Variants in LRRTM4 observed in about 807,000 individuals in gnomAD.
LRRTM4 encodes leucine rich repeat transmembrane neuronal 4.
In LRRTM4, 25 loss-of-function variants were observed where a neutral mutation model predicts 47.6. That is an observed-to-expected ratio of 0.53 (90% CI 0.38 to 0.73). The LOEUF (loss-of-function observed/expected upper bound fraction) is 0.73, where lower values mean the gene tolerates loss of function less well. LRRTM4 is among the 30% of genes least tolerant of loss of function. LRRTM4 has a pLI of 0.00. For synonymous variants in LRRTM4, 311 were observed against 269.5 expected (o/e 1.15, Z -1.51); for missense variants, 638 against 713.4 (o/e 0.89, Z 1.20).
At chr2:77,292,446 C>T (rs867001246) in intron 3 of LRRTM4, among the ~76,000 whole-genome samples, 1 of 151,860 alleles carries the variant, frequency 6.6e-6, no homozygotes, top group Non-Finnish European at 1.5e-5. Flanking sequence ...TGGAACCAAC[C>T]CAAATGTCCA....
intron 3 of LRRTM4, among the ~76,000 whole-genome samples, chr2:77,125,882 A>G (rs949376941): frequency 1.4e-5 from 2 of 146,838 alleles, no homozygotes; most frequent in Admixed American, 7.0e-5. Context: ...GTGTGTGCAC[A>G]TATGTGTAAA....
At chr2:77,320,624 G>A (rs779444843) in intron 3 of LRRTM4, among the ~76,000 whole-genome samples, 3 of 152,056 alleles carry the variant, frequency 2.0e-5, no homozygotes, top group Non-Finnish European at 4.4e-5. Context: ...ACCAAAGAAA[G>A]AGACCAAATA....
intron 3 of LRRTM4, among the ~76,000 whole-genome samples, chr2:76,936,244 A>G (rs114905253): frequency 5.3e-5 from 8 of 152,140 alleles, no homozygotes; most frequent in Non-Finnish European, 7.3e-5. Context: ...TATACCATGG[A>G]CTACTATGCA....
chr2:77,098,564 CT>C (rs1221594496), intron 3 of LRRTM4, among the ~76,000 whole-genome samples: 3 of 151,926 alleles, frequency 2.0e-5, no homozygotes, highest in African/African-American at 7.2e-5. Context: ...AATATTAGAG[CT>C]TATTCACAGG....
chr2:77,452,066 T>G (rs1375681047), intron 3 of LRRTM4, among the ~76,000 whole-genome samples: 1 of 151,900 alleles, frequency 6.6e-6, no homozygotes, highest in Admixed American at 6.6e-5. Flanking sequence ...CTTCTCCTTA[T>G]AGACCACTGA....
At chr2:76,941,961 G>A (rs1280190712) in intron 3 of LRRTM4, among the ~76,000 whole-genome samples, 7 of 151,800 alleles carry the variant, frequency 4.6e-5, no homozygotes, top group South Asian at 2.1e-4. Context: ...TTTCCACATC[G>A]TCTCCAGCAA....
intron 3 of LRRTM4, among the ~76,000 whole-genome samples, chr2:76,830,212 T>C (rs1195543259): frequency 6.6e-6 from 1 of 152,090 alleles, no homozygotes; most frequent in Non-Finnish European, 1.5e-5. Flanking sequence ...TAGTGTAAGA[T>C]GTTACATTTT....
intron 3 of LRRTM4, among the ~76,000 whole-genome samples, chr2:76,943,624 T>C (rs1675226581): frequency 6.6e-6 from 1 of 152,136 alleles, no homozygotes; most frequent in Non-Finnish European, 1.5e-5. Context: ...CCTACCACAT[T>C]TGTGAGCTTC....
At chr2:77,007,243 G>C (rs958539799) in intron 3 of LRRTM4, among the ~76,000 whole-genome samples, 3 of 152,010 alleles carry the variant, frequency 2.0e-5, no homozygotes, top group Non-Finnish European at 4.4e-5. Flanking sequence ...TGTTATCTAA[G>C]AGAAGAAAGA....
At chr2:76,814,176 A>G (rs902253548) in intron 3 of LRRTM4, among the ~76,000 whole-genome samples, 2 of 152,138 alleles carry the variant, frequency 1.3e-5, no homozygotes, top group African/African-American at 4.8e-5. Flanking sequence ...ATTTTCATCC[A>G]ATCTATTTAT....
intron 3 of LRRTM4, among the ~76,000 whole-genome samples, chr2:77,234,612 C>T (rs1317293932): frequency 6.6e-6 from 1 of 152,130 alleles, no homozygotes; most frequent in African/African-American, 2.4e-5. Context: ...ATTATTAGAG[C>T]AATGACTGAT....
chr2:77,200,319 T>C (rs866518764), intron 3 of LRRTM4, among the ~76,000 whole-genome samples: 1 of 152,106 alleles, frequency 6.6e-6, no homozygotes, highest in African/African-American at 2.4e-5. Context: ...TAATGTAACT[T>C]TCAAATCAAA....
chr2:76,984,143 G>T (rs62171961), intron 3 of LRRTM4, among the ~76,000 whole-genome samples: 18,345 of 151,612 alleles, frequency 0.12, 1,389 homozygotes, highest in Admixed American at 0.2. Flanking sequence ...TAAAAAAATA[G>T]ACACACAAAA....
At chr2:77,428,023 G>C (rs1217664596) in intron 3 of LRRTM4, among the ~76,000 whole-genome samples, 1 of 152,170 alleles carries the variant, frequency 6.6e-6, no homozygotes, top group African/African-American at 2.4e-5. Context: ...CCATGCTACT[G>C]TTCTTGTGAG....
At chr2:77,141,007 G>C (rs919350143) in intron 3 of LRRTM4, among the ~76,000 whole-genome samples, 25 of 152,094 alleles carry the variant, frequency 1.6e-4, no homozygotes, top group South Asian at 1.2e-3. Context: ...AATAGGAACA[G>C]TTTTACACTG....
At chr2:77,169,992 G>A (rs985278592) in intron 3 of LRRTM4, among the ~76,000 whole-genome samples, 1 of 152,094 alleles carries the variant, frequency 6.6e-6, no homozygotes. Flanking sequence ...AATTATCTGT[G>A]TGAATTCATT....
chr2:77,156,904 T>C (rs1308376656), intron 3 of LRRTM4, among the ~76,000 whole-genome samples: 1 of 151,950 alleles, frequency 6.6e-6, no homozygotes, highest in East Asian at 1.9e-4. Context: ...TTTTTTTTTT[T>C]CTCAAGGTGT....
At chr2:77,076,230 G>A (rs1184120589) in intron 3 of LRRTM4, among the ~76,000 whole-genome samples, 1 of 152,132 alleles carries the variant, frequency 6.6e-6, no homozygotes, top group Non-Finnish European at 1.5e-5. Flanking sequence ...ACTGTCCTTG[G>A]AAGATAGAAA....
At chr2:76,920,575 A>G (rs1445557207) in intron 3 of LRRTM4, among the ~76,000 whole-genome samples, 1 of 152,116 alleles carries the variant, frequency 6.6e-6, no homozygotes, top group Non-Finnish European at 1.5e-5. Context: ...AATGACATTC[A>G]AAGGTTGTCA....
Sources: gnomAD v4.1 joint callset for allele counts (sites outside exome capture counted in the v4.1 genomes callset) on GRCh38, gnomAD v4.1.1 for gene constraint, MANE v1.5 for transcripts, NCBI Gene and HGNC (gene_info 2026-07-23, HGNC 2026-07-21) for gene names.